Variants in MYH16 observed in about 807,000 individuals in gnomAD.
The protein encoded by MYH16 is myosin heavy chain 16, also known as putative uncharacterized protein MYH16.
At chr7:99,293,006 G>C (rs529781549) in intron 32 of MYH16, among the ~76,000 whole-genome samples, 3 of 152,052 alleles carry the variant, frequency 2.0e-5, no homozygotes, top group African/African-American at 7.2e-5. Context: ...AGGAAATAAG[G>C]GGGGACATGA....
At chr7:99,241,687 G>A (rs1371436994) in intron 1 of MYH16, among the ~76,000 whole-genome samples, 5 of 152,126 alleles carry the variant, frequency 3.3e-5, no homozygotes, top group Non-Finnish European at 7.4e-5. Flanking sequence ...GAACTGTCAA[G>A]ATTTCAAATT....
chr7:99,279,485 C>G, intron 21 of MYH16, 25 bp from the exon 4 acceptor site: 1 of 455,824 alleles, frequency 2.2e-6, no homozygotes, highest in Non-Finnish European at 4.4e-6. Context: ...ACCCTGTCCT[C>G]GACCGGGGCT....
downstream of MYH16, among the ~76,000 whole-genome samples, chr7:99,309,196 G>A (rs991995247): frequency 5.3e-5 from 8 of 152,098 alleles, no homozygotes; most frequent in South Asian, 2.1e-4. Context: ...AGACTGGTTC[G>A]CTTTGGGAGG....
chr7:99,262,388 T>C (rs1401081089), intron 13 of MYH16, among the ~76,000 whole-genome samples: 1 of 152,170 alleles, frequency 6.6e-6, no homozygotes, highest in Non-Finnish European at 1.5e-5. Context: ...ATAATGCCAA[T>C]TGCTTGTAAA....
downstream of MYH16, among the ~76,000 whole-genome samples, chr7:99,308,150 C>T (rs1333427490): frequency 6.6e-6 from 1 of 151,814 alleles, no homozygotes; most frequent in Non-Finnish European, 1.5e-5. Flanking sequence ...ACAAAATTAG[C>T]CAGGCGTGAT....
At chr7:99,251,466 T>C (rs910964063) in intron 6 of MYH16, among the ~76,000 whole-genome samples, 3 of 152,220 alleles carry the variant, frequency 2.0e-5, no homozygotes, top group Non-Finnish European at 2.9e-5. Flanking sequence ...GAACTACAAA[T>C]TGCAAATTTA....
At chr7:99,292,626 A>G (rs1276037134) in intron 32 of MYH16, 118 bp downstream of exon 13, 2 of 387,358 alleles carry the variant, frequency 5.2e-6, no homozygotes, top group Non-Finnish European at 1.0e-5. Context: ...GGACGTTCAC[A>G]GGCTGCTTTA....
chr7:99,282,363 T>C (rs1174153774), intron 23 of MYH16, among the ~76,000 whole-genome samples: 2 of 152,214 alleles, frequency 1.3e-5, no homozygotes, highest in African/African-American at 4.8e-5. Flanking sequence ...CCATAAACAC[T>C]GAATTAACCA....
At chr7:99,296,835 A>G (rs1792505639) in exon 34 of MYH16, 3 of 457,358 alleles carry the variant, frequency 6.6e-6, no homozygotes, top group Non-Finnish European at 1.3e-5. Context: ...TGTACATGAC[A>G]GAGAGCTTCA....
intron 19 of MYH16, among the ~76,000 whole-genome samples, 108 bp downstream of exon 1, chr7:99,273,185 G>A (rs929847598): frequency 6.6e-6 from 1 of 152,104 alleles, no homozygotes; most frequent in Non-Finnish European, 1.5e-5. Context: ...TCTCCCTGCC[G>A]CAGACCACAT....
chr7:99,267,456 C>T (rs1791998919), intron 18 of MYH16, among the ~76,000 whole-genome samples: 1 of 152,156 alleles, frequency 6.6e-6, no homozygotes, highest in Admixed American at 6.5e-5. Flanking sequence ...TCTCAAACTC[C>T]TGGGCTCAAG....
exon 16 of MYH16, chr7:99,265,125 A>T (rs1333557314): frequency 6.6e-6 from 1 of 152,570 alleles, no homozygotes; most frequent in Non-Finnish European, 1.5e-5. Context: ...CAAGCTGATG[A>T]CCACCCTCCA....
chr7:99,266,222 C>T lies in MYH16; in HGVS notation n.2145+535C>T, dbSNP rs539680011. Among the ~76,000 whole-genome samples the T allele has an allele frequency of 3.9e-5, 6 of 152,314 alleles. No homozygotes were observed. In the East Asian group the frequency reaches 1.2e-3, roughly 29 times the overall value. On this transcript the variant is annotated intron_variant and non_coding_transcript_variant, in intron 17 of 41. Coordinates refer to ENST00000439784, the Ensembl canonical transcript of MYH16. The stretch of plus-strand genomic sequence containing the variant: ...TCCCAGCAGCATTAAGCTCCAGTTG[C>T]CTGTTGCACTAACTGCCCCCATAAC...
intron 9 of MYH16, among the ~76,000 whole-genome samples, chr7:99,256,432 G>A (rs968991505): frequency 1.8e-4 from 28 of 151,814 alleles, no homozygotes; most frequent in African/African-American, 6.8e-4. Context: ...TCATGCCACC[G>A]CACTCTAGCC....
intron 11 of MYH16, among the ~76,000 whole-genome samples, chr7:99,260,005 T>C (rs1220413463): frequency 6.6e-6 from 1 of 152,004 alleles, no homozygotes; most frequent in Non-Finnish European, 1.5e-5. Context: ...CTACTTCTCA[T>C]AGGGTGCTGA....
intron 1 of MYH16, among the ~76,000 whole-genome samples, chr7:99,239,810 G>T (rs1446438818): frequency 6.6e-6 from 1 of 152,146 alleles, no homozygotes; most frequent in Non-Finnish European, 1.5e-5. Flanking sequence ...CAGACAGCTG[G>T]TTTACCAACC....
At chr7:99,309,210 G>A (rs1792723687), downstream of MYH16, among the ~76,000 whole-genome samples, 3 of 152,162 alleles carry the variant, frequency 2.0e-5, no homozygotes, top group African/African-American at 7.2e-5. Flanking sequence ...TGGGAGGTGG[G>A]GTGGGGCTGA....
At chr7:99,297,986 A>T (rs1792528032) in exon 36 of MYH16, 1 of 456,690 alleles carries the variant, frequency 2.2e-6, no homozygotes, top group Non-Finnish European at 4.4e-6. Context: ...GAAGAATTTG[A>T]GGCTACCAGG....
At chr7:99,298,739 T>C (rs1792541465) in intron 36 of MYH16, among the ~76,000 whole-genome samples, 1 of 151,688 alleles carries the variant, frequency 6.6e-6, no homozygotes, top group Non-Finnish European at 1.5e-5. Context: ...TTGCAAATAT[T>C]TTTTCCCATT....
Sources: gnomAD v4.1 joint callset for allele counts (sites outside exome capture counted in the v4.1 genomes callset) on GRCh38, gnomAD v4.1.1 for gene constraint, MANE v1.5 for transcripts, NCBI Gene and HGNC (gene_info 2026-07-23, HGNC 2026-07-21) for gene names.